The following TRPM4 variants were observed in gnomAD, a reference collection of about 807,000 sequenced individuals.
The protein encoded by TRPM4 is calcium-activated non-selective cation channel 1.
Under a neutral mutation model 135.6 loss-of-function variants are expected in TRPM4, and 124 were observed. The observed-to-expected ratio is 0.91, with a 90% CI of 0.79 to 1.06. The LOEUF is 1.06. Among genes scored for constraint, TRPM4 ranks in the 50% least tolerant of loss-of-function variants. The probability of loss-of-function intolerance (pLI) is 0.00; values close to 1 mark genes in which losing one functional copy is unlikely to be tolerated. For missense variants in TRPM4, 1,658 were observed against 1,671.4 expected, an observed-to-expected ratio of 0.99 and a Z score of 0.14; for synonymous variants, 745 against 705.6, an observed-to-expected ratio of 1.06 and a Z score of -0.88.
At chr19:49,200,965 C>G (rs1475605863) in intron 19 of TRPM4, among the ~76,000 whole-genome samples, 180 bp downstream of exon 19, 1 of 152,004 alleles carries the variant, frequency 6.6e-6, no homozygotes, top group Non-Finnish European at 1.5e-5. Context: ...CTGCCTACCC[C>G]ACCCCCTCTG....
intron 3 of TRPM4, among the ~76,000 whole-genome samples, chr19:49,167,155 G>A (rs868301900): frequency 2.1e-5 from 1 of 47,442 alleles, no homozygotes; most frequent in East Asian, 5.4e-4. Context: ...GGTCTCTGTC[G>A]CCATCTCTCT....
At chr19:49,197,308 T>TTCTTTCTTTC (rs1161813900) in intron 17 of TRPM4, among the ~76,000 whole-genome samples, 65 of 122,316 alleles carry the variant, frequency 5.3e-4, no homozygotes, top group African/African-American at 2.2e-3. Context: ...CTTTCTTTCT[T>TTCTTTCTTTC]TTTCTTTCTT....
At chr19:49,164,792 G>A (rs185709685) in intron 2 of TRPM4, among the ~76,000 whole-genome samples, 59 of 151,602 alleles carry the variant, frequency 3.9e-4, no homozygotes, top group African/African-American at 1.4e-3. Flanking sequence ...GTGCAGTGGC[G>A]TGGTCACAGC....
intron 16 of TRPM4, among the ~76,000 whole-genome samples, chr19:49,191,029 G>T (rs947448259): frequency 1.3e-5 from 2 of 152,106 alleles, no homozygotes; most frequent in Non-Finnish European, 2.9e-5. Flanking sequence ...AGGAGCCAGT[G>T]TATCACATGG....
At chr19:49,182,953 C>A (rs776616646) in intron 11 of TRPM4, 31 bp downstream of exon 11, 1 of 1,582,326 alleles carries the variant, frequency 6.3e-7, no homozygotes, top group Non-Finnish European at 8.6e-7. Flanking sequence ...GGGGGCCCCC[C>A]CGCGCGGGAA....
Position 49,210,173 on chromosome 19 carries a change from T to G in TRPM4, c.3132-36T>G. 6.2e-7 allele frequency: 1 copy of G among 1,612,242 alleles called. No individual in the cohort carries two copies. Among genetic ancestry groups the G allele is most frequent in the Non-Finnish European group, 8.5e-7 (1 of 1,178,220 alleles). On this transcript the variant is annotated intron_variant, in intron 20 of 24. Transcript: ENST00000252826. This position sits in a 1 kb window ranked among gnomAD's most constrained non-coding sequence, Gnocchi z 4.1. ...TTCGTCCTTGCCCCTGGCTGGGCCC[T>G]GACCTCAAGTGACCTTTGACCTCTG...
In TRPM4 at chr19:49,202,035, G is replaced by C; in HGVS notation, c.3025G>C (p.Gly1009Arg). ...GGCACACCCTCCTGGGGCCCAGGCG[G>C]GCACCTGCGTCTCCCAGTATGCCAA... ...FWAHPPGAQA[G>R]TCVSQYANWL... The change falls in exon 20 of 25, where the codon GGC becomes CGC. Residue 1009 changes from glycine to arginine, a missense_variant. Around this residue, in one of 3 missense-constraint regions of TRPM4, gnomAD observed 1,412 missense variants for 1,408.7 expected, o/e 1.00. Coordinates refer to ENST00000252826, the MANE Select transcript of TRPM4 (RefSeq NM_017636.4). 7 of 1,613,990 alleles carry C rather than the reference G, an allele frequency of 4.3e-6. No individual in the cohort carries two copies. Among genetic ancestry groups the C allele is most frequent in the Non-Finnish European group, 5.9e-6 (7 of 1,180,022 alleles).
At chr19:49,188,819 G>A (rs779934886) in intron 13 of TRPM4, 49 bp downstream of exon 13, 7 of 1,612,908 alleles carry the variant, frequency 4.3e-6, no homozygotes, top group Non-Finnish European at 5.9e-6. Context: ...TGCCGCCAGA[G>A]GGGGATGTGC....
rs78381230 is a variant in TRPM4, at chr19:49,190,719, G to T, written c.2156G>T (p.Arg719Leu). 6.2e-7 allele frequency: 1 copy of T among 1,614,138 alleles called. No individual in the cohort carries two copies. Among genetic ancestry groups the T allele is most frequent in the Non-Finnish European group, 8.5e-7 (1 of 1,180,030 alleles). ...TFRKSEEEPT[R>L]EELEFDMDSV... Reference sequence around the variant, plus strand: ...AGGAAATCAGAAGAGGAGCCCACACGGGAGGAGCTAGAGTTTGACATGGAT... The same window carrying T: ...AGGAAATCAGAAGAGGAGCCCACACTGGAGGAGCTAGAGTTTGACATGGAT... Residue 719 changes from arginine to leucine, a missense_variant, in exon 16 of 25, where the codon CGG becomes CTG. Arg to Leu is a moderately radical substitution (Grantham distance 102). Transcript: ENST00000252826.
chr19:49,203,858 T>G (rs926859644), intron 20 of TRPM4, among the ~76,000 whole-genome samples: 1 of 152,190 alleles, frequency 6.6e-6, no homozygotes, highest in African/African-American at 2.4e-5. Context: ...CCCAGCGTGG[T>G]GGCTCATGCC....
At chr19:49,186,669 C>T (rs905762933) in intron 12 of TRPM4, among the ~76,000 whole-genome samples, 1 of 151,984 alleles carries the variant, frequency 6.6e-6, no homozygotes. Context: ...GTCAGGAGTT[C>T]GAGACCAGCC....
rs577474970 is a variant in TRPM4 at position 49,184,057 on chromosome 19, G to T, written c.1743+845G>T. Among the ~76,000 whole-genome samples, 4 of 152,222 alleles carry T rather than the reference G, an allele frequency of 2.6e-5. No individual in the cohort carries two copies. The East Asian group carries it at 7.7e-4, about 29-fold the overall frequency. ...ATTACAGGCGTGAGCCACTGTGCTT[G>T]GCCTGTGAATTTCTTTTACTTGGAG... On this transcript the variant is annotated intron_variant, in intron 12 of 24. Coordinates refer to ENST00000252826, the MANE Select transcript of TRPM4 (RefSeq NM_017636.4).
At chr19:49,177,114 A>G (rs921395035) in intron 9 of TRPM4, among the ~76,000 whole-genome samples, 1 of 151,968 alleles carries the variant, frequency 6.6e-6, no homozygotes, top group African/African-American at 2.4e-5. Context: ...CAGTGGGCAA[A>G]TCTGATTCAC....
chr19:49,177,087 C>T (rs1384437577), intron 9 of TRPM4, among the ~76,000 whole-genome samples: 1 of 152,052 alleles, frequency 6.6e-6, no homozygotes, highest in African/African-American at 2.4e-5. Context: ...GTACATCCTT[C>T]AATATAAGGT....
At chr19:49,174,095 A>C (rs1967578384) in intron 9 of TRPM4, among the ~76,000 whole-genome samples, 1 of 152,188 alleles carries the variant, frequency 6.6e-6, no homozygotes, top group African/African-American at 2.4e-5. Flanking sequence ...TTTAAGACAG[A>C]AGCACAGGCA....
At chr19:49,185,024 T>C (rs1968147455) in intron 12 of TRPM4, among the ~76,000 whole-genome samples, 1 of 152,004 alleles carries the variant, frequency 6.6e-6, no homozygotes, top group Non-Finnish European at 1.5e-5. Context: ...TGCCTCTATC[T>C]CTGTATTCTT....
rs141918637 is a variant in TRPM4, at chr19:49,207,434, G to A, written c.3132-2775G>A. On this transcript the variant is annotated intron_variant, in intron 20 of 24. Coordinates refer to ENST00000252826, the MANE Select transcript of TRPM4 (RefSeq NM_017636.4). ...CACTTGAGGCCAGGAGTTCAAGACC[G>A]ACCTGGGCAACATAGTGAGACCTTA... 1.8e-3 allele frequency among the ~76,000 whole-genome samples: 271 copies of A among 151,800 alleles called. 1 individual carries two copies. Among genetic ancestry groups the A allele is most frequent in the African/African-American group, 6.1e-3 (254 of 41,406 alleles).
rs1600549339 is a variant in TRPM4, at chr19:49,211,482, C to G, written c.3641-12C>G. ...GCCAATCACCTGCTCTCTCTTTTCT[C>G]TCTTCCCCCAGACTGAGCCCTGCTG... is the stretch of plus-strand genomic sequence containing the variant. On this transcript the variant is annotated splice_polypyrimidine_tract_variant and intron_variant, in intron 24 of 24. Transcript: ENST00000252826. The surrounding 1 kb of genome is among the most constrained non-coding windows in gnomAD (Gnocchi z 4.8). 6.2e-7 allele frequency: 1 copy of G among 1,614,064 alleles called. No individual in the cohort carries two copies. Among genetic ancestry groups the G allele is most frequent in the African/African-American group, 1.3e-5 (1 of 75,060 alleles).
intron 14 of TRPM4, 122 bp downstream of exon 14, chr19:49,189,213 C>G (rs1968318424): frequency 7.1e-7 from 1 of 1,414,792 alleles, no homozygotes; most frequent in Non-Finnish European, 9.8e-7. Flanking sequence ...TGGAGATCCC[C>G]CAGAAAGTCT....
Sources: gnomAD v4.1 joint callset for allele counts (sites outside exome capture counted in the v4.1 genomes callset) on GRCh38, gnomAD v4.1.1 for gene constraint, gnomAD v4.1.1 regional missense constraint, Gnocchi (gnomAD v3.1) non-coding constraint, MANE v1.5 for transcripts, NCBI Gene and HGNC (gene_info 2026-07-23, HGNC 2026-07-21) for gene names.